The following AKAP13 variants were observed in gnomAD, a reference collection of about 807,000 sequenced individuals.
The protein encoded by AKAP13 is A-kinase anchor protein 13.
AKAP13 carries 80 observed loss-of-function variants against 264.5 expected under a neutral mutation model. That is an observed-to-expected ratio of 0.30 (90% CI 0.25 to 0.36). The LOEUF (loss-of-function observed/expected upper bound fraction) is 0.36, where lower values mean the gene tolerates loss of function less well. Among genes scored for constraint, AKAP13 ranks in the 10% least tolerant of loss-of-function variants. The probability of loss-of-function intolerance (pLI) is 1.00; values close to 1 mark genes in which losing one functional copy is unlikely to be tolerated. For missense variants in AKAP13, 3,712 were observed against 3,435.2 expected (o/e 1.08, Z -2.01); for synonymous variants, 1,380 against 1,250.2 (o/e 1.10, Z -2.19).
intron 10 of AKAP13, among the ~76,000 whole-genome samples, chr15:85,651,150 G>A (rs1182484191): frequency 3.8e-4 from 58 of 152,056 alleles, no homozygotes; most frequent in Non-Finnish European, 2.1e-4. Flanking sequence ...ATATACTTAC[G>A]TATCCATACC....
Position 85,747,683 on chromosome 15 carries a change from TTTC to T in AKAP13, c.*3012_*3014del, listed in dbSNP as rs1454517889. 3 of 152,650 alleles carry T rather than the reference TTTC, an allele frequency of 2.0e-5. No homozygotes were observed. The highest frequency in any genetic ancestry group is 4.4e-5 in the Non-Finnish European group (3 of 68,036). 9.5% of individuals were successfully genotyped at this position (152,650 alleles called of 1,614,324 possible). A position where few individuals can be genotyped will look rare whatever the true frequency, so the allele number is the denominator to read the frequency against. Reference sequence around the variant, plus strand: ...AGACAATCAAATGTATTGACTGTGTTTTCTTCTTAGAAAATGGAGAGGGTTAAA... The same window carrying T: ...AGACAATCAAATGTATTGACTGTGTTTTCTTAGAAAATGGAGAGGGTTAAA... On this transcript the variant is annotated 3_prime_UTR_variant, in exon 37 of 37. Coordinates refer to ENST00000394518, the MANE Select transcript of AKAP13 (RefSeq NM_007200.5).
chr15:85,467,503 C>T (rs2074789557), intron 1 of AKAP13, among the ~76,000 whole-genome samples: 1 of 152,120 alleles, frequency 6.6e-6, no homozygotes, highest in East Asian at 1.9e-4. Flanking sequence ...ACTTCTCTGT[C>T]ATCCCTAATG....
At chr15:85,642,888 T>C (rs1021153988) in intron 9 of AKAP13, among the ~76,000 whole-genome samples, 4 of 152,286 alleles carry the variant, frequency 2.6e-5, no homozygotes, top group Middle Eastern at 3.4e-3. Flanking sequence ...AGCCCTTTCT[T>C]TTCTTGGCCA....
At chr15:85,421,043 G>A (rs1377219484) in intron 1 of AKAP13, among the ~76,000 whole-genome samples, 1 of 152,190 alleles carries the variant, frequency 6.6e-6, no homozygotes, top group South Asian at 2.1e-4. Context: ...ATTAAACAAA[G>A]GTATAGATGG....
At chr15:85,414,505 T>A (rs7170370) in intron 1 of AKAP13, among the ~76,000 whole-genome samples, 117,838 of 152,136 alleles carry the variant, frequency 0.77, 46,022 homozygotes, top group African/African-American at 0.81. Flanking sequence ...GTAGTGAGAT[T>A]TAGATGATGA....
chr15:85,409,858 C>T (rs935508303), intron 1 of AKAP13, among the ~76,000 whole-genome samples: 2 of 149,434 alleles, frequency 1.3e-5, no homozygotes, highest in Admixed American at 1.3e-4. Context: ...GTCTCTATAT[C>T]CTGACCTCAT....
chr15:85,657,081 G>A (rs1165054248), intron 11 of AKAP13, among the ~76,000 whole-genome samples: 2 of 152,114 alleles, frequency 1.3e-5, no homozygotes, highest in African/African-American at 2.4e-5. Flanking sequence ...AGAAGTTCGA[G>A]GCTGCAGTGA....
chr15:85,729,598 C>T (rs1357295576), intron 29 of AKAP13, among the ~76,000 whole-genome samples: 1 of 152,046 alleles, frequency 6.6e-6, no homozygotes, highest in Non-Finnish European at 1.5e-5. Context: ...TCATTGAAGC[C>T]ATGGGGATGA....
intron 2 of AKAP13, among the ~76,000 whole-genome samples, chr15:85,514,843 G>GT (rs34275462): frequency 0.27 from 34,130 of 124,718 alleles, 8,673 homozygotes; most frequent in Admixed American, 0.38. Context: ...ATTTTGAGGG[G>GT]TTTTTTTTTT....
At chr15:85,582,969 G>A (rs971641234) in intron 7 of AKAP13, 15 of 985,296 alleles carry the variant, frequency 1.5e-5, no homozygotes, top group Admixed American at 1.2e-4. Flanking sequence ...AAGAGAAACC[G>A]CTATTGCTCC....
At chr15:85,568,289 C>CA (rs201960241) in intron 5 of AKAP13, among the ~76,000 whole-genome samples, 1,978 of 141,176 alleles carry the variant, frequency 0.014, 15 homozygotes, top group Non-Finnish European at 0.022. Context: ...GACCCTCTAT[C>CA]AAAAAAAAAG....
intron 12 of AKAP13, 130 bp from the exon 13 acceptor site, chr15:85,664,433 T>C (rs980121875): frequency 3.4e-6 from 3 of 886,574 alleles, no homozygotes; most frequent in Admixed American, 5.0e-5. Context: ...CCATGCCCTT[T>C]TAGACAGTTT....
chr15:85,420,766 A>G (rs1182887172), intron 1 of AKAP13, among the ~76,000 whole-genome samples: 1 of 152,212 alleles, frequency 6.6e-6, no homozygotes, highest in Non-Finnish European at 1.5e-5. Flanking sequence ...ATTTCCCCCA[A>G]TATTTTCTTA....
chr15:85,595,353 C>T (rs966407064), intron 8 of AKAP13, among the ~76,000 whole-genome samples: 1 of 152,272 alleles, frequency 6.6e-6, no homozygotes, highest in Non-Finnish European at 1.5e-5. Context: ...CCCACCTCAG[C>T]CTCCCAAAGT....
intron 17 of AKAP13, 110 bp downstream of exon 17, chr15:85,693,561 G>A (rs1183255647): frequency 1.7e-5 from 25 of 1,505,492 alleles, no homozygotes; most frequent in Non-Finnish European, 1.8e-5. Context: ...ATGTGGAGAA[G>A]TAACCCTTTT....
chr15:85,741,602 C>G (rs2088967293), intron 35 of AKAP13, 107 bp downstream of exon 35: 2 of 1,417,458 alleles, frequency 1.4e-6, no homozygotes, highest in Non-Finnish European at 1.8e-6. Context: ...CTGTTTTTGG[C>G]CAGATGCTCA....
intron 1 of AKAP13, among the ~76,000 whole-genome samples, chr15:85,478,914 C>T (rs970813887): frequency 2.0e-5 from 3 of 152,166 alleles, no homozygotes; most frequent in African/African-American, 7.2e-5. Flanking sequence ...GATTTCTACT[C>T]TTTCTGGTCC....
intron 8 of AKAP13, among the ~76,000 whole-genome samples, chr15:85,619,150 G>C (rs2081063823): frequency 6.6e-6 from 1 of 152,052 alleles, no homozygotes; most frequent in East Asian, 1.9e-4. Flanking sequence ...TTTCATAGGG[G>C]TGGGAGGAGG....
chr15:85,487,600 C>G (rs2075596332), intron 2 of AKAP13, among the ~76,000 whole-genome samples: 1 of 152,226 alleles, frequency 6.6e-6, no homozygotes, highest in Non-Finnish European at 1.5e-5. Flanking sequence ...GGGCCTTGCT[C>G]TGTCACCCAG....
Sources: allele counts gnomAD v4.1 joint callset (sites outside exome capture counted in the v4.1 genomes callset), GRCh38; gene constraint gnomAD v4.1.1; transcripts MANE v1.5; gene names NCBI Gene and HGNC (gene_info 2026-07-23, HGNC 2026-07-21).